Variants in IFI6 observed in about 807,000 individuals in gnomAD.
IFI6 encodes interferon alpha-inducible protein 6.
In IFI6, 10 loss-of-function variants were observed where a neutral mutation model predicts 12.7. The observed-to-expected ratio is 0.79, with a 90% CI of 0.49 to 1.33. IFI6 has a LOEUF of 1.33. Ranked by LOEUF, IFI6 falls within the 40% of genes most tolerant of loss-of-function variation. The probability of loss-of-function intolerance (pLI) is 0.00; values close to 1 mark genes in which losing one functional copy is unlikely to be tolerated. For synonymous variants in IFI6, 89 were observed against 86.2 expected (o/e 1.03, Z -0.18); for missense variants, 154 against 180.4 (o/e 0.85, Z 0.84).
intron 2 of IFI6, 48 bp downstream of exon 2, chr1:27,669,197 C>T: frequency 3.9e-6 from 6 of 1,543,762 alleles, no homozygotes; most frequent in Non-Finnish European, 5.3e-6. Context: ...GCATCCTTAC[C>T]TGCACCCTTA....
chr1:27,666,312 AG>A lies in IFI6; in HGVS notation c.*68del. 2 of 769,214 alleles carry A rather than the reference AG, an allele frequency of 2.6e-6. No individual in the cohort carries two copies. The highest frequency in any genetic ancestry group is 2.8e-5 in the East Asian group (1 of 35,726). The allele number at this position is 769,214 out of a possible 1,614,324, so 47.6% of individuals were successfully genotyped here. A position where few individuals can be genotyped will look rare whatever the true frequency, so the allele number is the denominator to read the frequency against. On this transcript the variant is annotated 3_prime_UTR_variant, in exon 5 of 5. Coordinates refer to ENST00000361157, the MANE Select transcript of IFI6 (RefSeq NM_002038.4). ...CTCAAAAAAAAAAAAAAAAAAAAAA[AG>A]GCAAAGTTCTAGATCCTAACTGGAA...
At chr1:27,666,863 C>T (rs903582750) in intron 4 of IFI6, among the ~76,000 whole-genome samples, 4 of 152,048 alleles carry the variant, frequency 2.6e-5, no homozygotes, top group South Asian at 2.1e-4. Context: ...TCCCTGGGCT[C>T]GCCCACACTC....
chr1:27,669,123 A>G (rs1346306981), intron 2 of IFI6, 122 bp downstream of exon 2: 3 of 1,164,774 alleles, frequency 2.6e-6, no homozygotes, highest in South Asian at 2.6e-5. Context: ...CCGCATCCTT[A>G]CCTGCATCCT....
At chr1:27,671,295 G>T (rs866596566) in intron 1 of IFI6, among the ~76,000 whole-genome samples, 4 of 152,068 alleles carry the variant, frequency 2.6e-5, no homozygotes, top group African/African-American at 9.6e-5. Flanking sequence ...GCTCAGAGAG[G>T]TTAAGTAATA....
At chr1:27,671,918 T>C (rs6684861) in intron 1 of IFI6, among the ~76,000 whole-genome samples, 2,894 of 152,288 alleles carry the variant, frequency 0.019, 79 homozygotes, top group African/African-American at 0.059. Context: ...CTCATGCCAC[T>C]TGGGGTTTTG....
chr1:27,667,566 C>T (rs1486503232), intron 4 of IFI6, among the ~76,000 whole-genome samples: 2 of 152,194 alleles, frequency 1.3e-5, no homozygotes, highest in Admixed American at 6.5e-5. Context: ...TGTTTCTTTG[C>T]TACTGTGGTC....
In IFI6 at chr1:27,669,206, T is replaced by TA. The variant is rs1328051223; in HGVS notation, c.70+38dup. 2.6e-6 allele frequency: 4 copies of TA among 1,549,248 alleles called. No homozygotes were observed. In the South Asian group the frequency reaches 4.8e-5, roughly 18 times the overall value. ...TTACTTGCATCCTTACCTGCACCCT[T>TA]ACCTGTCCCCTTACCTGCATCCTTA... On this transcript the variant is annotated intron_variant, in intron 2 of 4. Coordinates refer to ENST00000361157, the MANE Select transcript of IFI6 (RefSeq NM_002038.4).
At chr1:27,669,416 T>G in intron 1 of IFI6, 70 bp from the exon 2 acceptor site, 1 of 926,438 alleles carries the variant, frequency 1.1e-6, no homozygotes, top group Non-Finnish European at 1.7e-6. Context: ...TGTTTTCCCT[T>G]CCAGTTCCAA....
At chr1:27,671,162 A>G (rs1331355315) in intron 1 of IFI6, among the ~76,000 whole-genome samples, 1 of 152,204 alleles carries the variant, frequency 6.6e-6, no homozygotes, top group Non-Finnish European at 1.5e-5. Context: ...AAGAAAAACA[A>G]GAAACTCCTC....
intron 1 of IFI6, chr1:27,669,669 C>G (rs2090389496): frequency 3.3e-6 from 1 of 302,798 alleles, no homozygotes; most frequent in South Asian, 3.3e-5. Flanking sequence ...TACTAGGGTA[C>G]TTTGCTTCTC....
rs2090350216 is a variant in IFI6, at chr1:27,666,288, T to TCA, written c.*91_*92dup. ...CTGGACAATATAGTGAGAACCCATC[T>TCA]CAAAAAAAAAAAAAAAAAAAAAAAG... On this transcript the variant is annotated 3_prime_UTR_variant, in exon 5 of 5. Transcript: ENST00000361157. 2 of 332,996 alleles carry TCA rather than the reference T, an allele frequency of 6.0e-6. No homozygotes were observed. The highest frequency in any genetic ancestry group is 4.8e-5 in the South Asian group (2 of 41,242). The allele number at this position is 332,996 out of a possible 1,614,324, so 20.6% of individuals were successfully genotyped here.
intron 4 of IFI6, among the ~76,000 whole-genome samples, chr1:27,667,792 C>T (rs915199161): frequency 2.0e-5 from 3 of 152,164 alleles, no homozygotes; most frequent in Non-Finnish European, 4.4e-5. Context: ...AATTTCTGGC[C>T]GGACGCGGTG....
chr1:27,671,932 C>T lies in IFI6; in HGVS notation c.-33+191G>A, dbSNP rs748834709. ...TCTCATGCCACTTGGGGTTTTGCAT[C>T]CCATCTCCCTAAAAATCTCCAACCC... On this transcript the variant is annotated intron_variant, in intron 1 of 4. Transcript: ENST00000361157. Among the ~76,000 whole-genome samples, 421 of 152,286 alleles carry T rather than the reference C, an allele frequency of 2.8e-3. 6 individuals are homozygous for T. Among genetic ancestry groups the T allele is most frequent in the Non-Finnish European group, 1.9e-3 (126 of 68,030 alleles).
intron 4 of IFI6, 32 bp downstream of exon 4, chr1:27,668,194 C>A: frequency 6.9e-7 from 1 of 1,448,990 alleles, no homozygotes; most frequent in Non-Finnish European, 9.0e-7. Context: ...TAGTAAAGAA[C>A]GTCCCACCAG....
intron 1 of IFI6, 43 bp from the exon 2 acceptor site, chr1:27,669,389 G>T: frequency 8.2e-7 from 1 of 1,219,574 alleles, no homozygotes; most frequent in Non-Finnish European, 1.2e-6. Flanking sequence ...AGCATTTTTG[G>T]AGCTCATCAG....
At chr1:27,671,468 C>T (rs1266129550) in intron 1 of IFI6, among the ~76,000 whole-genome samples, 1 of 150,596 alleles carries the variant, frequency 6.6e-6, no homozygotes, top group Non-Finnish European at 1.5e-5. Flanking sequence ...GCAAGCTCCA[C>T]CTCCCAGGTT....
Position 27,668,501 on chromosome 1 carries a change from G to T in IFI6, c.105C>A (p.Gly35=), listed in dbSNP as rs1470640212. Residue 35 remains glycine, a synonymous_variant, in exon 3 of 5, where the codon GGC becomes GGA. Coordinates refer to ENST00000361157, the MANE Select transcript of IFI6 (RefSeq NM_002038.4). ...AGGTCAGGGCCTTCCAGAACCCGGA[G>T]CCGCTGTCCGAGCTCTCCGAGCACT... ...KKKCSESSDS[G]SGFWKALTFM... The T allele has an allele frequency of 6.2e-7, 1 of 1,610,638 alleles. No individual in the cohort carries two copies. Among genetic ancestry groups the T allele is most frequent in the Admixed American group, 1.7e-5 (1 of 59,818 alleles).
chr1:27,666,564 C>A, intron 4 of IFI6, 89 bp from the exon 5 acceptor site: 1 of 865,582 alleles, frequency 1.2e-6, no homozygotes, highest in Non-Finnish European at 1.9e-6. Context: ...AGTCCAACCC[C>A]TTATGTCTAG....
intron 4 of IFI6, among the ~76,000 whole-genome samples, chr1:27,667,984 T>C (rs1243224962): frequency 2.6e-5 from 4 of 152,058 alleles, no homozygotes; most frequent in African/African-American, 9.7e-5. Context: ...GGCAGGAAAA[T>C]CGCTTGAGCC....
Sources: allele counts gnomAD v4.1 joint callset (sites outside exome capture counted in the v4.1 genomes callset), GRCh38; gene constraint gnomAD v4.1.1; transcripts MANE v1.5; gene names NCBI Gene and HGNC (gene_info 2026-07-23, HGNC 2026-07-21).